GSE1: variants seen among roughly 807,000 people sequenced by gnomAD.
The protein encoded by GSE1 is genetic suppressor element 1.
Under a neutral mutation model 112.6 loss-of-function variants are expected in GSE1, and 32 were observed. The observed-to-expected ratio is 0.28, with a 90% confidence interval of 0.21 to 0.38. The LOEUF is 0.38. GSE1 is among the 10% of genes least tolerant of loss of function. The probability of loss-of-function intolerance (pLI) is 1.00; values close to 1 mark genes in which losing one functional copy is unlikely to be tolerated. For synonymous variants in GSE1, 1,115 were observed against 735.6 expected (o/e 1.52, Z -8.35); for missense variants, 2,348 against 1,699.2 (o/e 1.38, Z -6.71).
chr16:85,607,226 T>G (rs538560760), upstream of GSE1, among the ~76,000 whole-genome samples: 5 of 151,888 alleles, frequency 3.3e-5, no homozygotes, highest in South Asian at 1.0e-3. Flanking sequence ...GAGGTGGGGG[T>G]CACCCGTTTC....
intron 2 of GSE1, among the ~76,000 whole-genome samples, chr16:85,444,787 C>T (rs2049467227): frequency 6.6e-6 from 1 of 152,206 alleles, no homozygotes; most frequent in South Asian, 2.1e-4. Context: ...CATCGCTGTG[C>T]TGGGCCCCTG....
intron 2 of GSE1, among the ~76,000 whole-genome samples, chr16:85,498,057 G>A (rs1226622533): frequency 6.6e-6 from 1 of 152,132 alleles, no homozygotes; most frequent in Non-Finnish European, 1.5e-5. Flanking sequence ...GGTGGGGGTG[G>A]GGTGGGTGCC....
intron 2 of GSE1, among the ~76,000 whole-genome samples, chr16:85,389,694 C>G (rs1238831135): frequency 1.3e-5 from 2 of 152,186 alleles, no homozygotes; most frequent in South Asian, 4.1e-4. Context: ...CCAAGGTCTT[C>G]TCTTCCATAT....
intron 1 of GSE1, among the ~76,000 whole-genome samples, chr16:85,227,850 G>C (rs997795795): frequency 6.6e-6 from 1 of 152,246 alleles, no homozygotes; most frequent in Non-Finnish European, 1.5e-5. Flanking sequence ...GCCGACCGGG[G>C]GATACAGCAG....
At chr16:85,508,184 T>C (rs1283532646) in intron 2 of GSE1, among the ~76,000 whole-genome samples, 1 of 152,060 alleles carries the variant, frequency 6.6e-6, no homozygotes, top group Non-Finnish European at 1.5e-5. Context: ...CAGGCATGCG[T>C]CACCACGCCC....
At chr16:85,568,203 G>A (rs560900514) in intron 1 of GSE1, among the ~76,000 whole-genome samples, 53 of 152,336 alleles carry the variant, frequency 3.5e-4, no homozygotes, top group African/African-American at 1.3e-3. Flanking sequence ...AAGGAAAGAG[G>A]TTCCATCTTC....
intron 1 of GSE1, among the ~76,000 whole-genome samples, chr16:85,279,288 G>A (rs1467196561): frequency 6.6e-6 from 1 of 152,206 alleles, no homozygotes; most frequent in African/African-American, 2.4e-5. Flanking sequence ...CTTCTACCAT[G>A]CAAGCCCGCT....
chr16:85,331,092 C>T (rs1042056560), intron 1 of GSE1, among the ~76,000 whole-genome samples: 2 of 151,884 alleles, frequency 1.3e-5, no homozygotes, highest in Non-Finnish European at 1.5e-5. Flanking sequence ...GGAATGGAGA[C>T]GGGAAATGCT....
At chr16:85,219,301 AC>A (rs2075354059) in intron 1 of GSE1, among the ~76,000 whole-genome samples, 1 of 152,266 alleles carries the variant, frequency 6.6e-6, no homozygotes, top group Non-Finnish European at 1.5e-5. Context: ...GGCGTGAGCC[AC>A]CGTGCCCGGC....
chr16:85,229,739 T>TC (rs2075550078), intron 1 of GSE1, among the ~76,000 whole-genome samples: 1 of 152,184 alleles, frequency 6.6e-6, no homozygotes, highest in African/African-American at 2.4e-5. Flanking sequence ...AGTTCGCAGC[T>TC]CCAGGGTACA....
intron 1 of GSE1, chr16:85,579,935 C>T (rs2046379286): frequency 6.6e-6 from 1 of 152,206 alleles, no homozygotes; most frequent in African/African-American, 2.4e-5. Flanking sequence ...CAGGGCTAAA[C>T]TGAAAAGACA....
chr16:85,297,206 G>A (rs1273260516), intron 1 of GSE1, among the ~76,000 whole-genome samples: 1 of 152,228 alleles, frequency 6.6e-6, no homozygotes, highest in Non-Finnish European at 1.5e-5. Context: ...AGGGCGCACT[G>A]GAGTTGCTCG....
intron 2 of GSE1, among the ~76,000 whole-genome samples, chr16:85,452,180 G>A (rs1418562694): frequency 2.0e-5 from 3 of 152,188 alleles, no homozygotes; most frequent in African/African-American, 2.4e-5. Context: ...GGCCTGCATC[G>A]GGGCCCCGCA....
chr16:85,315,021 TCTG>T (rs2045957803), intron 1 of GSE1, among the ~76,000 whole-genome samples: 1 of 152,188 alleles, frequency 6.6e-6, no homozygotes, highest in South Asian at 2.1e-4. Flanking sequence ...GCTCAGAAAA[TCTG>T]CAGCATGTCC....
chr16:85,385,799 CA>C (rs946928754), intron 2 of GSE1, among the ~76,000 whole-genome samples: 7 of 152,190 alleles, frequency 4.6e-5, no homozygotes, highest in Admixed American at 1.3e-4. Flanking sequence ...CAGAGCTGGA[CA>C]GGGGGAGGGG....
intron 2 of GSE1, among the ~76,000 whole-genome samples, chr16:85,447,740 G>A (rs974488209): frequency 6.6e-6 from 1 of 152,348 alleles, no homozygotes; most frequent in African/African-American, 2.4e-5. Context: ...AGAAAGACTG[G>A]CAGTGAGCTG....
rs149513432 is a variant in GSE1 at position 85,548,914 on chromosome 16, C to T, written c.2465-85000C>T. On this transcript the variant is annotated intron_variant, in intron 2 of 2. Transcript: ENST00000637419. ...AAGTGATTCTCCTGCCTCAGCCTCC[C>T]GAGTAGCTGGGATTACAGGCGTGCG... 4.5e-3 allele frequency among the ~76,000 whole-genome samples: 683 copies of T among 152,218 alleles called. 13 individuals carry two copies. Among genetic ancestry groups the T allele is most frequent in the East Asian group, 0.044 (227 of 5,148 alleles).
At chr16:85,359,854 G>A (rs760865496) in intron 2 of GSE1, among the ~76,000 whole-genome samples, 3 of 152,200 alleles carry the variant, frequency 2.0e-5, no homozygotes, top group Non-Finnish European at 2.9e-5. Flanking sequence ...ACCCCCAGGC[G>A]AAACTCTGTC....
At chr16:85,316,351 G>A (rs547893541) in intron 1 of GSE1, among the ~76,000 whole-genome samples, 5 of 152,236 alleles carry the variant, frequency 3.3e-5, no homozygotes, top group South Asian at 2.1e-4. Flanking sequence ...TTCAGAATCC[G>A]GTGTGTCTGC....
Sources: gnomAD v4.1 joint callset for allele counts (sites outside exome capture counted in the v4.1 genomes callset) on GRCh38, gnomAD v4.1.1 for gene constraint, MANE v1.5 for transcripts, NCBI Gene and HGNC (gene_info 2026-07-23, HGNC 2026-07-21) for gene names.